The following TENM2 variants were observed in gnomAD, a reference collection of about 807,000 sequenced individuals.
The protein encoded by TENM2 is teneurin-2.
Under a neutral mutation model 245.2 loss-of-function variants are expected in TENM2, and 52 were observed. That is an observed-to-expected ratio of 0.21 (90% CI 0.17 to 0.27). TENM2 has a LOEUF of 0.27. Among genes scored for constraint, TENM2 ranks in the 10% least tolerant of loss-of-function variants. TENM2 has a pLI of 1.00. For synonymous variants in TENM2, 1,363 were observed against 1,438.9 expected, an observed-to-expected ratio of 0.95 and a Z score of 1.19; for missense variants, 3,046 against 3,666.8, an observed-to-expected ratio of 0.83 and a Z score of 4.37.
At chr5:167,479,865 C>A (rs72829381) in intron 2 of TENM2, among the ~76,000 whole-genome samples, 1,711 of 152,222 alleles carry the variant, frequency 0.011, 18 homozygotes, top group Middle Eastern at 0.041. Flanking sequence ...AAAGAAAGAA[C>A]AGAATCGTGT....
chr5:168,126,571 T>C (rs1167493836), intron 11 of TENM2, among the ~76,000 whole-genome samples, 183 bp from the exon 14 acceptor site: 8 of 152,054 alleles, frequency 5.3e-5, no homozygotes, highest in African/African-American at 1.9e-4. Context: ...GAGAGTCACT[T>C]CTCTAGAAAA....
chr5:167,009,983 AT>A, the TENM2 span, among the ~76,000 whole-genome samples: 2 of 152,194 alleles, frequency 1.3e-5, no homozygotes, highest in Non-Finnish European at 2.9e-5. Flanking sequence ...TGAATTTTTT[AT>A]TGGTTTTAGG....
chr5:167,912,161 C>A (rs1013172613), intron 3 of TENM2, among the ~76,000 whole-genome samples: 4 of 152,124 alleles, frequency 2.6e-5, no homozygotes, highest in African/African-American at 9.7e-5. Context: ...CAATCTCCAC[C>A]TTCCAGCCCC....
chr5:167,601,298 T>C (rs1776619015), intron 2 of TENM2, among the ~76,000 whole-genome samples: 1 of 152,248 alleles, frequency 6.6e-6, no homozygotes, highest in South Asian at 2.1e-4. Flanking sequence ...CTAGCCACAT[T>C]TAGCTATTGA....
At chr5:167,556,393 C>G (rs929715673) in intron 2 of TENM2, among the ~76,000 whole-genome samples, 1 of 142,148 alleles carries the variant, frequency 7.0e-6, no homozygotes, top group Non-Finnish European at 1.5e-5. Context: ...AGTTCAGTTT[C>G]TCTTTCATAT....
intron 2 of TENM2, among the ~76,000 whole-genome samples, chr5:167,707,176 C>G (rs1371643714): frequency 6.6e-6 from 1 of 151,958 alleles, no homozygotes; most frequent in Non-Finnish European, 1.5e-5. Flanking sequence ...TGCTGGGCAC[C>G]TTGTCATATA....
At chr5:167,509,275 A>T (rs1769765512) in intron 2 of TENM2, among the ~76,000 whole-genome samples, 1 of 152,208 alleles carries the variant, frequency 6.6e-6, no homozygotes, top group African/African-American at 2.4e-5. Flanking sequence ...AATATATTAA[A>T]ATTTCTAATT....
chr5:167,630,834 C>T (rs1582594955), intron 2 of TENM2, among the ~76,000 whole-genome samples: 1 of 152,192 alleles, frequency 6.6e-6, no homozygotes, highest in African/African-American at 2.4e-5. Flanking sequence ...TAGCTTTTCT[C>T]TCCTGGGAAA....
At chr5:167,887,581 C>T (rs887849848) in intron 3 of TENM2, among the ~76,000 whole-genome samples, 2 of 152,218 alleles carry the variant, frequency 1.3e-5, no homozygotes, top group African/African-American at 4.8e-5. Flanking sequence ...CTGCGTCTTC[C>T]TTGGGAAGGA....
the TENM2 span, among the ~76,000 whole-genome samples, chr5:167,267,532 C>G: frequency 6.6e-6 from 1 of 152,130 alleles, no homozygotes; most frequent in Non-Finnish European, 1.5e-5. Context: ...GACACTATCT[C>G]TATATTCCAG....
At chr5:167,365,550 C>G (rs1030545790) in intron 1 of TENM2, among the ~76,000 whole-genome samples, 4 of 151,226 alleles carry the variant, frequency 2.6e-5, no homozygotes, top group Admixed American at 2.6e-4. Flanking sequence ...TCCCTCATAT[C>G]AAAAATGAAA....
chr5:167,761,732 C>A (rs1338333097), intron 2 of TENM2, among the ~76,000 whole-genome samples: 1 of 152,142 alleles, frequency 6.6e-6, no homozygotes, highest in East Asian at 1.9e-4. Context: ...GAATTCATCC[C>A]CAGGCCCTCC....
chr5:167,900,068 T>G (rs940691296), intron 3 of TENM2, among the ~76,000 whole-genome samples: 3 of 130,702 alleles, frequency 2.3e-5, no homozygotes, highest in Admixed American at 1.8e-4. Flanking sequence ...TTAGATCTCA[T>G]GCCGTTTCTT....
intron 2 of TENM2, among the ~76,000 whole-genome samples, chr5:167,854,357 C>G (rs1222307735): frequency 6.6e-6 from 1 of 152,192 alleles, no homozygotes; most frequent in African/African-American, 2.4e-5. Context: ...GAAAAAAAGG[C>G]TTATTTTTTG....
intron 2 of TENM2, among the ~76,000 whole-genome samples, chr5:167,687,144 G>A (rs1429222589): frequency 2.0e-5 from 3 of 152,036 alleles, no homozygotes; most frequent in East Asian, 1.9e-4. Context: ...CGGTTACCTC[G>A]GGGAAAATTG....
At chr5:167,430,194 A>AAATAAT (rs1303148558) in intron 2 of TENM2, among the ~76,000 whole-genome samples, 16 of 152,294 alleles carry the variant, frequency 1.1e-4, no homozygotes, top group Middle Eastern at 3.4e-3. Context: ...CTACATTAAA[A>AAATAAT]AATAATAATT....
chr5:167,640,063 G>T (rs1469754656), intron 2 of TENM2, among the ~76,000 whole-genome samples: 1 of 152,136 alleles, frequency 6.6e-6, no homozygotes, highest in Non-Finnish European at 1.5e-5. Flanking sequence ...TGGTCATCCT[G>T]CTGCCTGCCT....
rs1026008042 is a variant in TENM2 at position 167,392,294 on chromosome 5, G to A, written c.502+16821G>A. Among the ~76,000 whole-genome samples the A allele has an allele frequency of 6.6e-4, 101 of 152,282 alleles. 1 individual carries two copies. Among genetic ancestry groups the A allele is most frequent in the Admixed American group, 6.6e-3 (101 of 15,288 alleles). On this transcript the variant is annotated intron_variant, in intron 2 of 28. Transcript: ENST00000518659. ...ATGTGTCAGTTTGACTGGACCGTAG[G>A]ATGTCCACGTAGCTGGTTAAATGTT... is the stretch of plus-strand genomic sequence containing the variant.
Position 168,170,231 on chromosome 5 carries a change from C to T in TENM2, c.2569+7474C>T, listed in dbSNP as rs189107012. On this transcript the variant is annotated intron_variant, in intron 13 of 28. Coordinates refer to ENST00000518659, the Ensembl canonical transcript of TENM2. ...GAAAAAAGATAGAACCAGCTGCGCA[C>T]GGTGGCTCACACCTGTAATCCCAGC... Among the ~76,000 whole-genome samples the T allele has an allele frequency of 2.3e-4, 35 of 152,288 alleles. No individual in the cohort carries two copies. In the East Asian group the frequency reaches 4.6e-3, roughly 20 times the overall value.
Sources: gnomAD v4.1 joint callset for allele counts (sites outside exome capture counted in the v4.1 genomes callset) on GRCh38, gnomAD v4.1.1 for gene constraint, MANE v1.5 for transcripts, NCBI Gene and HGNC (gene_info 2026-07-23, HGNC 2026-07-21) for gene names.